DACH2: variants seen among roughly 807,000 people sequenced by gnomAD.
DACH2 encodes dachshund family transcription factor 2, also known as dachshund homolog 2.
DACH2 carries 17 observed loss-of-function variants against 35.8 expected under a neutral mutation model. The ratio of observed to expected loss-of-function variants is 0.48; its 90% CI spans 0.33 to 0.71. The LOEUF (loss-of-function observed/expected upper bound fraction) is 0.71. Among genes scored for constraint, DACH2 ranks in the 30% least tolerant of loss-of-function variants. The pLI, the probability that DACH2 is intolerant of heterozygous loss-of-function variation, is 0.02. For missense variants in DACH2, 469 were observed against 472.7 expected, an observed-to-expected ratio of 0.99 and a Z score of 0.07; for synonymous variants, 195 against 177.3, an observed-to-expected ratio of 1.10 and a Z score of -0.79.
At chrX:86,445,575 A>AC (rs1264021434) in intron 2 of DACH2, among the ~76,000 whole-genome samples, 1 of 102,301 alleles carries the variant, frequency 9.8e-6, no homozygotes, top group African/African-American at 3.6e-5. Context: ...ACAAAAAAAA[A>AC]AAAAAAGAAA....
At chrX:86,170,370 CCTAGGGTT>C (rs1174114425) in intron 1 of DACH2, among the ~76,000 whole-genome samples, 107 of 111,372 alleles carry the variant, frequency 9.6e-4, no homozygotes, top group African/African-American at 3.4e-3. Context: ...CGCTTAAGGC[CCTAGGGTT>C]CTACATTCAA....
intron 6 of DACH2, among the ~76,000 whole-genome samples, chrX:86,719,066 T>C (rs1340566946): frequency 8.9e-6 from 1 of 112,345 alleles, no homozygotes; most frequent in Non-Finnish European, 1.9e-5. Context: ...TTGCACAGTA[T>C]GGTCATTTTA....
intron 1 of DACH2, among the ~76,000 whole-genome samples, chrX:86,243,892 G>T (rs2033222786): frequency 9.0e-6 from 1 of 111,692 alleles, no homozygotes; most frequent in African/African-American, 3.2e-5. Flanking sequence ...TGAAGCATCT[G>T]TACTTCATCA....
chrX:86,394,603 C>G (rs1044366307), intron 2 of DACH2, among the ~76,000 whole-genome samples: 1 of 111,427 alleles, frequency 9.0e-6, no homozygotes, highest in Non-Finnish European at 1.9e-5. Context: ...TGCTTATAAG[C>G]TATGAAAGAA....
chrX:86,206,555 C>T (rs770010844), intron 1 of DACH2, among the ~76,000 whole-genome samples: 78 of 111,960 alleles, frequency 7.0e-4, no homozygotes, highest in Middle Eastern at 4.7e-3. Flanking sequence ...ATGAGGAAGG[C>T]GTCATGATAC....
At chrX:86,316,067 C>T (rs1403591844) in intron 1 of DACH2, among the ~76,000 whole-genome samples, 2 of 110,878 alleles carry the variant, frequency 1.8e-5, no homozygotes, top group Non-Finnish European at 3.8e-5. Flanking sequence ...AGCTCTCACC[C>T]TGTTCCTTGA....
chrX:86,734,125 A>G (rs1343177405), intron 6 of DACH2, among the ~76,000 whole-genome samples: 1 of 110,817 alleles, frequency 9.0e-6, no homozygotes, highest in Non-Finnish European at 1.9e-5. Flanking sequence ...CTATGGTCAG[A>G]TATGGCTGAT....
intron 2 of DACH2, among the ~76,000 whole-genome samples, chrX:86,477,568 A>G (rs1222057432): frequency 1.8e-5 from 2 of 108,804 alleles, no homozygotes; most frequent in Admixed American, 2.0e-4. Flanking sequence ...TAGGTGAAGT[A>G]TGTTTCTTAC....
intron 3 of DACH2, among the ~76,000 whole-genome samples, chrX:86,641,639 A>G (rs779933545): frequency 4.5e-5 from 5 of 111,814 alleles, no homozygotes; most frequent in Non-Finnish European, 9.4e-5. Context: ...ATACTCCCCA[A>G]GACACATAAC....
intron 2 of DACH2, among the ~76,000 whole-genome samples, chrX:86,390,194 AC>A (rs984860321): frequency 6.2e-5 from 7 of 112,187 alleles, no homozygotes; most frequent in African/African-American, 1.6e-4. Flanking sequence ...TTAAAAAAAA[AC>A]ATCTCTGCTA....
intron 6 of DACH2, among the ~76,000 whole-genome samples, chrX:86,718,192 G>A (rs1036260704): frequency 1.7e-4 from 19 of 111,167 alleles, no homozygotes; most frequent in African/African-American, 4.9e-4. Flanking sequence ...TAGCCATTCC[G>A]ACTCATGTAA....
chrX:86,480,603 C>A (rs755879823), intron 2 of DACH2, among the ~76,000 whole-genome samples: 39 of 112,077 alleles, frequency 3.5e-4, no homozygotes, highest in Non-Finnish European at 3.8e-4. Flanking sequence ...AGTACATAAA[C>A]CCCATTCCAA....
intron 1 of DACH2, among the ~76,000 whole-genome samples, chrX:86,322,476 G>T (rs1056972291): frequency 2.7e-5 from 3 of 111,195 alleles, no homozygotes; most frequent in Non-Finnish European, 3.8e-5. Context: ...CTCCCTCCTT[G>T]GTCCCTGGGT....
chrX:86,725,030 T>TA (rs199585798), intron 6 of DACH2, among the ~76,000 whole-genome samples: 22,522 of 101,420 alleles, frequency 0.22, 2,272 homozygotes, highest in Admixed American at 0.43. Flanking sequence ...GAATTTCTAT[T>TA]AAAAAAAAAA....
chrX:86,676,542 G>A (rs779191437), intron 4 of DACH2, among the ~76,000 whole-genome samples: 11 of 111,705 alleles, frequency 9.8e-5, no homozygotes, highest in Admixed American at 2.9e-4. Flanking sequence ...GTTCTTCCAT[G>A]CTGTCCATCA....
chrX:86,785,497 A>C (rs1373265437), intron 7 of DACH2, among the ~76,000 whole-genome samples: 1 of 111,657 alleles, frequency 9.0e-6, no homozygotes, highest in Non-Finnish European at 1.9e-5. Flanking sequence ...AAGAGAATTG[A>C]CCTTTGGACT....
chrX:86,316,521 G>A (rs2034909658), intron 1 of DACH2, among the ~76,000 whole-genome samples: 1 of 111,505 alleles, frequency 9.0e-6, no homozygotes, highest in Non-Finnish European at 1.9e-5. Context: ...GTTTTCTGCA[G>A]GGGACTCTTT....
intron 2 of DACH2, among the ~76,000 whole-genome samples, chrX:86,453,391 T>A (rs2037416696): frequency 8.9e-6 from 1 of 112,117 alleles, no homozygotes; most frequent in Non-Finnish European, 1.9e-5. Context: ...CTCATTGGTC[T>A]ATCTTATATT....
At chrX:86,658,597 T>G (rs2040570447) in intron 4 of DACH2, among the ~76,000 whole-genome samples, 1 of 111,340 alleles carries the variant, frequency 9.0e-6, no homozygotes, top group Non-Finnish European at 1.9e-5. Flanking sequence ...AGAAATTCTG[T>G]TTTTTATTGT....
Sources: gnomAD v4.1 joint callset for allele counts (sites outside exome capture counted in the v4.1 genomes callset) on GRCh38, gnomAD v4.1.1 for gene constraint, MANE v1.5 for transcripts, NCBI Gene and HGNC (gene_info 2026-07-23, HGNC 2026-07-21) for gene names.